The following COL19A1 variants were observed in gnomAD, a reference collection of about 807,000 sequenced individuals.
COL19A1 encodes the protein collagen type XIX alpha 1 chain, also known as collagen alpha-1(XIX) chain.
A neutral mutation model predicts 190.2 loss-of-function variants in COL19A1; 159 were observed. That is an observed-to-expected ratio of 0.84 (90% CI 0.73 to 0.95). COL19A1 has a LOEUF of 0.95. COL19A1 is among the 40% of genes least tolerant of loss of function. The pLI, the probability that COL19A1 is intolerant of heterozygous loss-of-function variation, is 0.00. For missense variants in COL19A1, 1,418 were observed against 1,431.9 expected, an observed-to-expected ratio of 0.99 and a Z score of 0.16; for synonymous variants, 509 against 458.9, an observed-to-expected ratio of 1.11 and a Z score of -1.39.
intron 4 of COL19A1, among the ~76,000 whole-genome samples, chr6:69,919,948 G>A (rs1324856432): frequency 6.6e-6 from 1 of 151,882 alleles, no homozygotes; most frequent in Non-Finnish European, 1.5e-5. Context: ...TGTGTGAGGG[G>A]GTGCAGTATG....
At chr6:70,190,479 T>C in intron 48 of COL19A1, 98 bp downstream of exon 48, 1 of 804,562 alleles carries the variant, frequency 1.2e-6, no homozygotes, top group Non-Finnish European at 2.0e-6. Context: ...AAGATGGCCA[T>C]GCCACAAAAA....
At chr6:70,039,605 A>G (rs1281654430) in intron 14 of COL19A1, among the ~76,000 whole-genome samples, 2 of 152,232 alleles carry the variant, frequency 1.3e-5, no homozygotes, top group East Asian at 1.9e-4. Flanking sequence ...AGAGCTGAAC[A>G]CTTTTTCCCC....
intron 49 of COL19A1, among the ~76,000 whole-genome samples, chr6:70,202,434 A>C (rs1767608511): frequency 6.6e-6 from 1 of 152,196 alleles, no homozygotes; most frequent in South Asian, 2.1e-4. Context: ...TATTGGCAAA[A>C]AACTTTGTTC....
intron 11 of COL19A1, among the ~76,000 whole-genome samples, chr6:70,016,285 G>A (rs1315473457): frequency 4.6e-5 from 3 of 65,442 alleles, no homozygotes; most frequent in Non-Finnish European, 7.9e-5. Context: ...ATTAGTGGGT[G>A]CAGCGCACAA....
intron 34 of COL19A1, among the ~76,000 whole-genome samples, chr6:70,157,222 A>C (rs559281165): frequency 1.6e-4 from 24 of 152,186 alleles, no homozygotes; most frequent in Admixed American, 1.0e-3. Context: ...GGGAGAAAAA[A>C]AAACTGTCAG....
intron 9 of COL19A1, among the ~76,000 whole-genome samples, chr6:69,958,045 C>A (rs1019220755): frequency 9.9e-5 from 15 of 152,052 alleles, no homozygotes; most frequent in African/African-American, 3.6e-4. Flanking sequence ...AATCATAAAA[C>A]CTGTGTCCAT....
chr6:69,880,230 G>C (rs555640598), intron 2 of COL19A1, among the ~76,000 whole-genome samples: 1 of 152,232 alleles, frequency 6.6e-6, no homozygotes, highest in African/African-American at 2.4e-5. Flanking sequence ...AAAGGCTTAA[G>C]GGCAATTTGA....
chr6:70,092,659 C>G (rs970191848), intron 15 of COL19A1, among the ~76,000 whole-genome samples: 1 of 152,134 alleles, frequency 6.6e-6, no homozygotes, highest in Admixed American at 6.5e-5. Context: ...CTCTAGAGTT[C>G]TCTTCATTTG....
intron 11 of COL19A1, among the ~76,000 whole-genome samples, chr6:69,998,492 A>G (rs1777056617): frequency 2.0e-5 from 3 of 151,922 alleles, no homozygotes; most frequent in South Asian, 2.1e-4. Flanking sequence ...AAAATTTTAA[A>G]AAAACTAACC....
At chr6:70,024,386 C>T (rs1263312177) in intron 12 of COL19A1, among the ~76,000 whole-genome samples, 1 of 152,144 alleles carries the variant, frequency 6.6e-6, no homozygotes, top group Non-Finnish European at 1.5e-5. Flanking sequence ...CCCTCGGCTT[C>T]CTTTTCTCAC....
intron 12 of COL19A1, among the ~76,000 whole-genome samples, chr6:70,029,332 T>C (rs777759663): frequency 6.6e-6 from 1 of 152,178 alleles, no homozygotes; most frequent in Admixed American, 6.5e-5. Flanking sequence ...TACCCGCTTT[T>C]ATAATTCTAG....
chr6:69,877,822 C>T (rs781218656), intron 1 of COL19A1, among the ~76,000 whole-genome samples: 1 of 151,844 alleles, frequency 6.6e-6, no homozygotes, highest in South Asian at 2.1e-4. Flanking sequence ...AGTTCAAGAC[C>T]ATCCTGGCCC....
At chr6:70,035,583 T>C (rs77180007) in intron 13 of COL19A1, among the ~76,000 whole-genome samples, 1,971 of 152,312 alleles carry the variant, frequency 0.013, 33 homozygotes, top group East Asian at 0.045. Flanking sequence ...GCTGCTTCAT[T>C]GGCAAGTAAA....
chr6:70,146,873 G>T lies in COL19A1; in HGVS notation c.1877G>T (p.Gly626Val). ...SPGDIGPQGIGIPGRTGAQGP... is the reference protein window; with the variant it reads ...SPGDIGPQGIVIPGRTGAQGP... ...GGGGACATAGGCCCACAAGGGATAGGAATTCCTGGCAGAACAGTAAGTGAA... is the reference window on the plus strand; with the variant it reads ...GGGGACATAGGCCCACAAGGGATAGTAATTCCTGGCAGAACAGTAAGTGAA... The change falls in exon 27 of 51, where the codon GGA becomes GTA. Residue 626 changes from glycine to valine, a missense_variant. Transcript: ENST00000620364. The T allele has an allele frequency of 6.3e-7, 1 of 1,586,502 alleles. No individual in the cohort carries two copies. Among genetic ancestry groups the T allele is most frequent in the South Asian group, 1.2e-5 (1 of 85,658 alleles).
intron 11 of COL19A1, among the ~76,000 whole-genome samples, chr6:70,013,538 C>G (rs1461315437): frequency 2.3e-3 from 98 of 42,022 alleles, no homozygotes; most frequent in East Asian, 6.7e-3. Context: ...ATATCACCAC[C>G]GATCCCACAG....
At chr6:70,169,848 T>G (rs766788048) in intron 40 of COL19A1, among the ~76,000 whole-genome samples, 85 of 152,162 alleles carry the variant, frequency 5.6e-4, no homozygotes, top group Non-Finnish European at 1.0e-3. Context: ...CTGAATCATT[T>G]AAAAGCACCT....
Position 70,188,084 on chromosome 6 carries a change from G to C in COL19A1, c.2866G>C (p.Gly956Arg). ...ATTTTTTCCTTAACAGGGTGATCAG[G>C]GGATTCCAGGAGACAGAGGCTCACA... is the stretch of plus-strand genomic sequence containing the variant. ...RGPKGERGDQ[G>R]IPGDRGSQGE... Residue 956 changes from glycine (G) to arginine (R), a missense_variant, in exon 47 of 51, where the codon GGG becomes CGG. Physicochemically the swap from Gly to Arg is moderately radical, Grantham distance 125 (BLOSUM62 -2). Transcript: ENST00000620364. 6.2e-7 allele frequency: 1 copy of C among 1,613,396 alleles called. No homozygotes were observed.
chr6:69,924,113 T>A (rs923684115), intron 4 of COL19A1, among the ~76,000 whole-genome samples: 4 of 152,126 alleles, frequency 2.6e-5, no homozygotes, highest in African/African-American at 9.7e-5. Context: ...TTTCTTCTTT[T>A]AAATTATACT....
intron 1 of COL19A1, among the ~76,000 whole-genome samples, chr6:69,877,222 A>G (rs893927699): frequency 3.9e-5 from 6 of 152,230 alleles, no homozygotes; most frequent in African/African-American, 1.4e-4. Context: ...TACTGCAATT[A>G]CCAAATACAC....
Sources: allele counts gnomAD v4.1 joint callset (sites outside exome capture counted in the v4.1 genomes callset), GRCh38; gene constraint gnomAD v4.1.1; transcripts MANE v1.5; gene names NCBI Gene and HGNC (gene_info 2026-07-23, HGNC 2026-07-21).